The following PDIA5 variants were observed in gnomAD, a reference collection of about 807,000 sequenced individuals.
The protein encoded by PDIA5 is protein disulfide isomerase family A member 5, also known as protein disulfide-isomerase A5.
Under a neutral mutation model 77.6 loss-of-function variants are expected in PDIA5, and 58 were observed. The ratio of observed to expected loss-of-function variants is 0.75; its 90% CI spans 0.61 to 0.93. The LOEUF (loss-of-function observed/expected upper bound fraction) is 0.93. PDIA5 is among the 40% of genes least tolerant of loss of function. The pLI, the probability that PDIA5 is intolerant of heterozygous loss-of-function variation, is 0.00. For synonymous variants in PDIA5, 250 were observed against 252.1 expected (o/e 0.99, Z 0.08); for missense variants, 630 against 647.7 (o/e 0.97, Z 0.30).
chr3:123,148,512 T>A lies in PDIA5; in HGVS notation c.1143-1722T>A, dbSNP rs142219548. Among the ~76,000 whole-genome samples, 566 of 150,748 alleles carry A rather than the reference T, an allele frequency of 3.8e-3. 6 individuals carry two copies. The highest frequency in any genetic ancestry group is 0.013 in the African/African-American group (528 of 40,944). On this transcript the variant is annotated intron_variant, in intron 13 of 16. Coordinates refer to ENST00000316218, the MANE Select transcript of PDIA5 (RefSeq NM_006810.4). The stretch of plus-strand genomic sequence containing the variant: ...TGAAGCCGGGAGGTTGAGGCTACAG[T>A]GAGCTGGGATGGTGCCATTGTACTC...
chr3:123,127,361 A>T (rs1046822576), intron 10 of PDIA5, among the ~76,000 whole-genome samples: 1 of 152,202 alleles, frequency 6.6e-6, no homozygotes, highest in African/African-American at 2.4e-5. Context: ...ACTCATTCTG[A>T]GGTTCCCCAT....
intron 1 of PDIA5, among the ~76,000 whole-genome samples, chr3:123,070,585 A>G (rs1218698030): frequency 6.6e-6 from 1 of 152,130 alleles, no homozygotes; most frequent in African/African-American, 2.4e-5. Flanking sequence ...CTCAGAGGCT[A>G]TGGGTGGCGG....
chr3:123,071,455 T>G (rs1272798520), intron 1 of PDIA5, among the ~76,000 whole-genome samples: 1 of 152,194 alleles, frequency 6.6e-6, no homozygotes, highest in Admixed American at 6.5e-5. Context: ...AAGGTACACT[T>G]ATTTAGGTTC....
chr3:123,140,732 G>T (rs572251627), intron 11 of PDIA5, among the ~76,000 whole-genome samples: 1 of 152,318 alleles, frequency 6.6e-6, no homozygotes, highest in East Asian at 1.9e-4. Context: ...GTGTCTGGTG[G>T]GGCTGCTGCG....
At chr3:123,128,642 G>A (rs1935297168) in intron 10 of PDIA5, among the ~76,000 whole-genome samples, 1 of 151,984 alleles carries the variant, frequency 6.6e-6, no homozygotes, top group Admixed American at 6.6e-5. Flanking sequence ...TGAGTAGCTG[G>A]GACTACAGGC....
intron 5 of PDIA5, among the ~76,000 whole-genome samples, chr3:123,106,244 TGAAATACC>T (rs1934730073): frequency 6.6e-6 from 1 of 152,168 alleles, no homozygotes. Flanking sequence ...GTTTAGATCA[TGAAATACC>T]AAGCAGGTCA....
At chr3:123,138,275 G>A (rs1935545709) in intron 11 of PDIA5, among the ~76,000 whole-genome samples, 1 of 152,090 alleles carries the variant, frequency 6.6e-6, no homozygotes, top group Non-Finnish European at 1.5e-5. Flanking sequence ...TCTTTTCTAT[G>A]CATCTTTTTC....
At chr3:123,148,776 G>A (rs1935822143) in intron 13 of PDIA5, among the ~76,000 whole-genome samples, 1 of 152,172 alleles carries the variant, frequency 6.6e-6, no homozygotes. Flanking sequence ...GAGGTTAAGG[G>A]CCCTATCCAG....
chr3:123,096,924 G>T (rs1348327688), intron 3 of PDIA5, among the ~76,000 whole-genome samples: 1 of 152,240 alleles, frequency 6.6e-6, no homozygotes, highest in Non-Finnish European at 1.5e-5. Flanking sequence ...GCTGTGCCTG[G>T]TTTGCTAATT....
rs536919240 is a variant in PDIA5, at chr3:123,128,242, G to C, written c.774-2238G>C. 7.9e-5 allele frequency among the ~76,000 whole-genome samples: 12 copies of C among 152,330 alleles called. No homozygotes were observed. In the East Asian group the frequency reaches 2.1e-3, roughly 27 times the overall value. ...CTTCAGAGCCTTGTCTTCTGTGTGC[G>C]TGTGGTTCTTGGGCCCCTACTCTGC... is the stretch of plus-strand genomic sequence containing the variant. On this transcript the variant is annotated intron_variant, in intron 10 of 16. Transcript: ENST00000316218.
intron 3 of PDIA5, among the ~76,000 whole-genome samples, chr3:123,098,484 C>T (rs1237540967): frequency 6.6e-6 from 1 of 152,192 alleles, no homozygotes; most frequent in Non-Finnish European, 1.5e-5. Context: ...TGTGTACCTG[C>T]AGCAGCCACT....
intron 1 of PDIA5, among the ~76,000 whole-genome samples, chr3:123,070,717 G>C (rs1249139812): frequency 6.6e-6 from 1 of 152,168 alleles, no homozygotes; most frequent in African/African-American, 2.4e-5. Context: ...CTTTCCTGCT[G>C]TCCAGCTCAG....
Position 123,130,598 on chromosome 3 carries a change from G to A in PDIA5, c.892G>A (p.Val298Ile), listed in dbSNP as rs547769309. 7.0e-5 allele frequency: 113 copies of A among 1,614,044 alleles called. 1 individual carries two copies. In the South Asian group the frequency reaches 1.1e-3, roughly 15 times the overall value. ...TGTGAAGGAACACTCCTCTGTCCTCGTCATGTTCCACGCCCCATGTGAGTG... is the reference window on the plus strand; with the variant it reads ...TGTGAAGGAACACTCCTCTGTCCTCATCATGTTCCACGCCCCATGTGAGTG... ...QFVKEHSSVL[V>I]MFHAPWCGHC... is the part of the protein sequence containing the mutation. Residue 298 changes from valine to isoleucine, a missense_variant, in exon 11 of 17, where the codon GTC becomes ATC. Transcript: ENST00000316218.
chr3:123,102,612 T>C (rs1218744196), intron 4 of PDIA5, 118 bp downstream of exon 4: 8 of 1,048,398 alleles, frequency 7.6e-6, no homozygotes, highest in Non-Finnish European at 1.2e-5. Context: ...TTTCTTCCTG[T>C]GTTTACAATT....
At chr3:123,067,405 C>A in intron 1 of PDIA5, 199 bp downstream of exon 1, 1 of 443,634 alleles carries the variant, frequency 2.3e-6, no homozygotes, top group Non-Finnish European at 3.7e-6. Flanking sequence ...CCGCCAAGCG[C>A]TCCCGGACGC....
chr3:123,068,425 T>C (rs1161888264), intron 1 of PDIA5, among the ~76,000 whole-genome samples: 2 of 152,320 alleles, frequency 1.3e-5, no homozygotes, highest in East Asian at 1.9e-4. Flanking sequence ...GTTCTCCCTC[T>C]TGGGGAGAAC....
At chr3:123,092,942 T>A (rs1241731868) in intron 3 of PDIA5, among the ~76,000 whole-genome samples, 1 of 152,172 alleles carries the variant, frequency 6.6e-6, no homozygotes, top group East Asian at 1.9e-4. Flanking sequence ...CCTTGGCTTC[T>A]GAGGGGGCCC....
chr3:123,102,263 C>G, intron 3 of PDIA5, 148 bp from the exon 4 acceptor site: 1 of 660,796 alleles, frequency 1.5e-6, no homozygotes, highest in Non-Finnish European at 2.8e-6. Context: ...CCCTCTAGCT[C>G]TCACAGCCCA....
chr3:123,155,753 G>A (rs1936009060), intron 15 of PDIA5, among the ~76,000 whole-genome samples: 1 of 152,190 alleles, frequency 6.6e-6, no homozygotes, highest in African/African-American at 2.4e-5. Flanking sequence ...GGAACCTCTG[G>A]CCTAACAGGC....
Sources: allele counts gnomAD v4.1 joint callset (sites outside exome capture counted in the v4.1 genomes callset), GRCh38; gene constraint gnomAD v4.1.1; transcripts MANE v1.5; gene names NCBI Gene and HGNC (gene_info 2026-07-23, HGNC 2026-07-21).